The following XYLB variants were observed in gnomAD, a reference collection of about 807,000 sequenced individuals.
XYLB encodes the protein xylulokinase, also known as xylulose kinase.
In XYLB, 62 loss-of-function variants were observed where a neutral mutation model predicts 78.7. That is an observed-to-expected ratio of 0.79 (90% CI 0.64 to 0.97). XYLB has a LOEUF of 0.97. Among genes scored for constraint, XYLB ranks in the 50% least tolerant of loss-of-function variants. The pLI, the probability that XYLB is intolerant of heterozygous loss-of-function variation, is 0.00. For missense variants in XYLB, 687 were observed against 676.8 expected (o/e 1.02, Z -0.17); for synonymous variants, 245 against 247.4 (o/e 0.99, Z 0.09).
At chr3:38,365,948 A>G (rs1706235951) in intron 6 of XYLB, among the ~76,000 whole-genome samples, 1 of 152,078 alleles carries the variant, frequency 6.6e-6, no homozygotes, top group Non-Finnish European at 1.5e-5. Context: ...TGCTCCTGAC[A>G]TGGAGGTGCT....
At chr3:38,407,646 G>A (rs1305945670) in intron 18 of XYLB, among the ~76,000 whole-genome samples, 10 of 152,122 alleles carry the variant, frequency 6.6e-5, no homozygotes, top group Non-Finnish European at 1.5e-4. Context: ...CCCATCTCAT[G>A]TGCAGAGACA....
chr3:38,361,029 C>T (rs1483172688), intron 3 of XYLB, among the ~76,000 whole-genome samples: 1 of 151,990 alleles, frequency 6.6e-6, no homozygotes, highest in Non-Finnish European at 1.5e-5. Context: ...GAGTGAAACT[C>T]CATCTCAAAA....
chr3:38,380,467 G>T (rs1399161365), intron 15 of XYLB, among the ~76,000 whole-genome samples: 1 of 152,154 alleles, frequency 6.6e-6, no homozygotes, highest in Non-Finnish European at 1.5e-5. Flanking sequence ...TATAGCTGTT[G>T]TCATTAGAGA....
chr3:38,352,677 C>T (rs868596942), intron 2 of XYLB, among the ~76,000 whole-genome samples: 13 of 152,126 alleles, frequency 8.5e-5, no homozygotes, highest in Admixed American at 6.5e-4. Flanking sequence ...TGTGTGGTGG[C>T]GTGCACCTCT....
rs191131784 is a variant in XYLB at position 38,400,998 on chromosome 3, C to G, written c.1533+13C>G. The G allele has an allele frequency of 6.2e-7, 1 of 1,613,018 alleles. No individual in the cohort carries two copies. The highest frequency in any genetic ancestry group is 8.5e-7 in the Non-Finnish European group (1 of 1,179,024). On this transcript the variant is annotated intron_variant, in intron 18 of 18. Transcript: ENST00000207870. The stretch of plus-strand genomic sequence containing the variant: ...GGGAGCTTCTCAGGTGAGAGACCAT[C>G]GGAATTTGTTTGTAGCATTTGCATT...
downstream of XYLB, among the ~76,000 whole-genome samples, chr3:38,423,916 G>A (rs572209892): frequency 6.6e-6 from 1 of 152,270 alleles, no homozygotes; most frequent in African/African-American, 2.4e-5. Context: ...TTGTGCCACA[G>A]AAAGTAACCA....
intron 15 of XYLB, among the ~76,000 whole-genome samples, chr3:38,389,627 G>T (rs1707565170): frequency 6.6e-6 from 1 of 151,660 alleles, no homozygotes; most frequent in Non-Finnish European, 1.5e-5. Context: ...GTTTTTTTTT[G>T]TTTAATCAGG....
the XYLB span, among the ~76,000 whole-genome samples, chr3:38,435,266 G>A: frequency 2.6e-5 from 4 of 152,180 alleles, no homozygotes; most frequent in African/African-American, 4.8e-5. Context: ...GAAACCAAAA[G>A]TGAGCAGGAG....
chr3:38,361,403 A>G (rs1014359711), intron 3 of XYLB, among the ~76,000 whole-genome samples: 1 of 150,904 alleles, frequency 6.6e-6, no homozygotes. Flanking sequence ...AATTCCCTAT[A>G]TTACATTCTT....
chr3:38,390,332 G>A (rs763755223), intron 15 of XYLB, among the ~76,000 whole-genome samples: 2 of 151,814 alleles, frequency 1.3e-5, no homozygotes, highest in Non-Finnish European at 2.9e-5. Flanking sequence ...TCCTACCTCA[G>A]CCTCCTGAGT....
rs771384694 is a variant in XYLB, at chr3:38,376,952, A to G, written c.1155A>G (p.Glu385=). The change falls in exon 14 of 19, where the codon GAA becomes GAG. Residue 385 remains glutamate (E), a synonymous_variant. Transcript: ENST00000207870. ...FYFDVMEITP[E]IIGRHRFNTE... ...TTGATGTAATGGAGATCACCCCTGA[A>G]ATTATTGGACGTCATAGGTTTAACA... 3 of 1,614,074 alleles carry G rather than the reference A, an allele frequency of 1.9e-6. No homozygotes were observed.
At chr3:38,347,583 A>G (rs1461442478) in intron 1 of XYLB, among the ~76,000 whole-genome samples, 1 of 152,068 alleles carries the variant, frequency 6.6e-6, no homozygotes, top group African/African-American at 2.4e-5. Flanking sequence ...TGGAGGCTGA[A>G]GCGGATCGCT....
At chr3:38,372,877 T>C in intron 10 of XYLB, 141 bp downstream of exon 10, 1 of 931,730 alleles carries the variant, frequency 1.1e-6, no homozygotes. Context: ...GTTTGAGAAT[T>C]CCAGTCCAGC....
rs1488412203 is a variant in XYLB, at chr3:38,366,883, A to G, written c.573+10A>G. On this transcript the variant is annotated intron_variant, in intron 7 of 18. Transcript: ENST00000207870. ...CTACTCACATACGGAGGTTGGTTAA[A>G]TGTTCCTGTTTGATTGAAAGTCACA... 6.3e-7 allele frequency: 1 copy of G among 1,592,198 alleles called. No individual in the cohort carries two copies. The highest frequency in any genetic ancestry group is 8.6e-7 in the Non-Finnish European group (1 of 1,160,800).
At chr3:38,431,564 C>T in the XYLB span, among the ~76,000 whole-genome samples, 18 of 152,292 alleles carry the variant, frequency 1.2e-4, no homozygotes, top group South Asian at 1.5e-3. Context: ...CCTGATTGCC[C>T]TGGCCAGAAC....
chr3:38,349,702 G>A (rs988166047), intron 2 of XYLB, among the ~76,000 whole-genome samples: 5 of 152,162 alleles, frequency 3.3e-5, no homozygotes, highest in Non-Finnish European at 7.3e-5. Context: ...GTGGGTTAAA[G>A]AGCGGAAATT....
intron 18 of XYLB, among the ~76,000 whole-genome samples, chr3:38,408,181 T>G: frequency 6.6e-6 from 1 of 151,888 alleles, no homozygotes; most frequent in Non-Finnish European, 1.5e-5. Flanking sequence ...TATAACAAAC[T>G]GTCTCTCAGA....
intron 10 of XYLB, among the ~76,000 whole-genome samples, chr3:38,374,242 C>G (rs1412806354): frequency 1.3e-5 from 2 of 151,534 alleles, no homozygotes; most frequent in Non-Finnish European, 2.9e-5. Flanking sequence ...CTTCACAGCT[C>G]AAATCAGCGG....
chr3:38,375,258 T>TGG lies in XYLB; in HGVS notation c.1004_1004+1dup, dbSNP rs1446511860. 2 of 1,613,822 alleles carry TGG rather than the reference T, an allele frequency of 1.2e-6. No individual in the cohort carries two copies. The highest frequency in any genetic ancestry group is 2.7e-5 in the African/African-American group (2 of 74,918). On this transcript the variant is annotated frameshift_variant and splice_region_variant, in exon 12 of 19. Transcript: ENST00000207870. LOFTEE classifies it high-confidence loss of function. ...CTCCCAGCACTACATGGCACTCCTG[T>TGG]GGTGAGCTTGGGTGTTGGTTGGCAC... is the stretch of plus-strand genomic sequence containing the variant.
Sources: gnomAD v4.1 joint callset for allele counts (sites outside exome capture counted in the v4.1 genomes callset) on GRCh38, gnomAD v4.1.1 for gene constraint, MANE v1.5 for transcripts, NCBI Gene and HGNC (gene_info 2026-07-23, HGNC 2026-07-21) for gene names.